The following MYOT variants were observed in gnomAD, a reference collection of about 807,000 sequenced individuals.
MYOT encodes the protein myotilin.
Under a neutral mutation model 58.0 loss-of-function variants are expected in MYOT, and 36 were observed. The observed-to-expected ratio is 0.62, with a 90% CI of 0.48 to 0.82. MYOT has a LOEUF of 0.82. MYOT is among the 40% of genes least tolerant of loss of function. The pLI is 0.00. For missense variants in MYOT, 505 were observed against 592.1 expected (o/e 0.85, Z 1.53); for synonymous variants, 218 against 204.6 (o/e 1.07, Z -0.56).
At chr5:137,880,959 C>T in intron 5 of MYOT, 94 bp downstream of exon 5, 1 of 910,402 alleles carries the variant, frequency 1.1e-6, no homozygotes, top group Middle Eastern at 3.2e-4. Flanking sequence ...CGAGCCTACT[C>T]TATACCTTTT....
chr5:137,874,693 G>T (rs886187587), intron 2 of MYOT, among the ~76,000 whole-genome samples: 20 of 152,120 alleles, frequency 1.3e-4, no homozygotes, highest in African/African-American at 4.8e-4. Flanking sequence ...TTGAAATAAA[G>T]ACTTTATTTG....
intron 2 of MYOT, among the ~76,000 whole-genome samples, chr5:137,875,268 C>T (rs181064330): frequency 1.2e-4 from 18 of 152,226 alleles, no homozygotes; most frequent in Non-Finnish European, 2.1e-4. Context: ...AGCATGTTCT[C>T]ATTTATAAGT....
Position 137,887,306 on chromosome 5 carries a change from TA to T in MYOT, c.1422del (p.Lys474AsnfsTer48). 1 of 1,614,082 alleles carries T rather than the reference TA, an allele frequency of 6.2e-7. No homozygotes were observed. Among genetic ancestry groups the T allele is most frequent in the Non-Finnish European group, 8.5e-7 (1 of 1,179,976 alleles). On this transcript the variant is annotated frameshift_variant, in exon 10 of 10. Coordinates refer to ENST00000239926, the MANE Select transcript of MYOT (RefSeq NM_006790.3). LOFTEE classifies it high-confidence loss of function. ...YLALNGKGLN[V>X]KQAFNPEGEF... ...GCACTTAATGGGAAAGGTTTGAATG[TA>T]AAACAAGCTTTTAACCCAGAAGGAG...
Position 137,870,976 on chromosome 5 carries a change from A to G in MYOT, c.325A>G (p.Ser109Gly). 6.2e-7 allele frequency: 1 copy of G among 1,614,142 alleles called. No individual in the cohort carries two copies. Among genetic ancestry groups the G allele is most frequent in the Non-Finnish European group, 8.5e-7 (1 of 1,179,976 alleles). Residue 109 changes from serine to glycine, a missense_variant, in exon 2 of 10, where the codon AGC (serine) becomes GGC (glycine). Ser to Gly is a moderately conservative substitution (Grantham distance 56). Coordinates refer to ENST00000239926, the MANE Select transcript of MYOT (RefSeq NM_006790.3). ...SILPSQPDYN[S>G]SKIPSAMDSN... ...ATTACCATCACAGCCTGATTACAAT[A>G]GCAGTAAAATCCCTTCCGCTATGGA...
chr5:137,875,711 C>T (rs1755190625), intron 2 of MYOT, 118 bp from the exon 3 acceptor site: 1 of 861,536 alleles, frequency 1.2e-6, no homozygotes, highest in Non-Finnish European at 1.9e-6. Flanking sequence ...GTTATTAGGG[C>T]AATTTGTTTT....
At chr5:137,887,189 C>G in intron 9 of MYOT, 24 bp from the exon 10 acceptor site, 1 of 1,613,780 alleles carries the variant, frequency 6.2e-7, no homozygotes, top group Non-Finnish European at 8.5e-7. Flanking sequence ...TTTTCTGAAT[C>G]AACTTTTATG....
At chr5:137,882,189 C>T in intron 6 of MYOT, 84 bp downstream of exon 6, 1 of 1,469,994 alleles carries the variant, frequency 6.8e-7, no homozygotes, top group Non-Finnish European at 9.5e-7. Context: ...TACTTCATAG[C>T]TTGCAAAGCA....
intron 9 of MYOT, 107 bp downstream of exon 9, chr5:137,887,104 A>T: frequency 6.4e-7 from 1 of 1,552,022 alleles, no homozygotes; most frequent in Non-Finnish European, 8.9e-7. Context: ...TTCCCCATAT[A>T]TAATCAGTTT....
chr5:137,887,222 AC>A lies in MYOT; in HGVS notation c.1336del (p.Gln446LysfsTer19). ...NTRLDVTARP[N>X]QTLPAPKQLR... Reference sequence around the variant, plus strand: ...ATGTGATCTATTTCAGCACGTCCAAACCAAACTCTTCCAGCTCCTAAGCAGT... The same window carrying A: ...ATGTGATCTATTTCAGCACGTCCAAACAAACTCTTCCAGCTCCTAAGCAGT... On this transcript the variant is annotated frameshift_variant, in exon 10 of 10. Coordinates refer to ENST00000239926, the MANE Select transcript of MYOT (RefSeq NM_006790.3). LOFTEE classifies it high-confidence loss of function. The A allele has an allele frequency of 6.2e-7, 1 of 1,614,050 alleles. No individual in the cohort carries two copies. The highest frequency in any genetic ancestry group is 8.5e-7 in the Non-Finnish European group (1 of 1,179,974).
chr5:137,883,274 A>G (rs765188601), intron 6 of MYOT, 110 bp from the exon 7 acceptor site: 2 of 903,272 alleles, frequency 2.2e-6, no homozygotes, highest in African/African-American at 3.4e-5. Flanking sequence ...TTGCATTTCA[A>G]TCGCAAACCC....
At chr5:137,875,408 G>A (rs544986153) in intron 2 of MYOT, among the ~76,000 whole-genome samples, 1 of 152,204 alleles carries the variant, frequency 6.6e-6, no homozygotes, top group East Asian at 1.9e-4. Context: ...CCTCTTGGGT[G>A]ACAGAATCAT....
In MYOT at chr5:137,870,567, G is replaced by T. The variant is rs1418321526; in HGVS notation, c.-85G>T. The T allele has an allele frequency of 6.6e-6, 8 of 1,212,964 alleles. No homozygotes were observed. In the East Asian group the frequency reaches 1.6e-4, roughly 25 times the overall value. 75.1% of individuals were successfully genotyped at this position (1,212,964 alleles called of 1,614,324 possible). On this transcript the variant is annotated 5_prime_UTR_variant, in exon 2 of 10. Coordinates refer to ENST00000239926, the MANE Select transcript of MYOT (RefSeq NM_006790.3). ...TACAACCTTCCGTAATTCCAGGCTT[G>T]TGGCCCCAAATTCAGGGCCCCACCC...
At position 137,887,341 on chromosome 5, in the gene MYOT, C is replaced by A. The variant is rs140755418; in HGVS notation, c.1453C>A (p.Arg485Ser). The change falls in exon 10 of 10, where the codon CGT becomes AGT. Residue 485 changes from arginine (R) to serine (S), a missense_variant. Physicochemically the swap from Arg to Ser is moderately radical, Grantham distance 110 (BLOSUM62 -1). Coordinates refer to ENST00000239926, the MANE Select transcript of MYOT (RefSeq NM_006790.3). Reference sequence around the variant, plus strand: ...TTTTAACCCAGAAGGAGAATTTCAGCGTTTGGCAGCTCAATCTGGACTCTA... The same window carrying A: ...TTTTAACCCAGAAGGAGAATTTCAGAGTTTGGCAGCTCAATCTGGACTCTA... The part of the protein sequence containing the change: ...QAFNPEGEFQ[R>S]LAAQSGLYES... The A allele has an allele frequency of 1.9e-6, 3 of 1,613,832 alleles. No homozygotes were observed. Among genetic ancestry groups the A allele is most frequent in the African/African-American group, 1.3e-5 (1 of 74,914 alleles).
chr5:137,868,652 A>T (rs1192222547), intron 1 of MYOT, among the ~76,000 whole-genome samples: 1 of 152,238 alleles, frequency 6.6e-6, no homozygotes, highest in East Asian at 1.9e-4. Context: ...CTGTTTCTGG[A>T]AAATATCTAC....
intron 2 of MYOT, 140 bp from the exon 3 acceptor site, chr5:137,875,689 T>C: frequency 1.3e-6 from 1 of 742,500 alleles, no homozygotes. Context: ...TCTTATAAAA[T>C]ATTTCTTGAC....
In MYOT at chr5:137,882,115, G is replaced by C. The variant is rs942022501; in HGVS notation, c.816+10G>C. ...CAGAATGGACTTCAAAGTAAGAGAA[G>C]GGTTCAAAAGTACTGGGGGAAAATT... On this transcript the variant is annotated intron_variant, in intron 6 of 9. Transcript: ENST00000239926. 6.2e-7 allele frequency: 1 copy of C among 1,614,004 alleles called. No homozygotes were observed. Among genetic ancestry groups the C allele is most frequent in the Non-Finnish European group, 8.5e-7 (1 of 1,179,898 alleles).
Position 137,868,606 on chromosome 5 carries a change from G to A in MYOT, c.-212+653G>A, listed in dbSNP as rs560119734. Among the ~76,000 whole-genome samples the A allele has an allele frequency of 2.6e-5, 4 of 152,254 alleles. No homozygotes were observed. The East Asian group carries it at 5.8e-4, about 22-fold the overall frequency. On this transcript the variant is annotated intron_variant, in intron 1 of 9. Transcript: ENST00000239926. ...CAATATCAACATGTACAAGACAGTT[G>A]CCATTCTGAAAATATATGTAAAGAA...
rs371052066 is a variant in MYOT at position 137,870,715 on chromosome 5, C to T, written c.64C>T (p.Gln22Ter). 2 of 1,614,116 alleles carry T rather than the reference C, an allele frequency of 1.2e-6. No homozygotes were observed. The highest frequency in any genetic ancestry group is 2.7e-5 in the African/African-American group (2 of 74,940). The change falls in exon 2 of 10, where the codon CAG becomes TAG. Residue 22 changes from glutamine (Q) to a stop codon, truncating the protein, a stop_gained. Coordinates refer to ENST00000239926, the MANE Select transcript of MYOT (RefSeq NM_006790.3). LOFTEE classifies it high-confidence loss of function. The part of the protein sequence containing the change: ...QSQNPCGSRL[Q>*]PPGPETSSFS... ...CCAAAACCCATGTGGCTCCAGATTG[C>T]AGCCTCCTGGACCAGAAACCTCCAG...
At chr5:137,872,631 G>A (rs758433404) in intron 2 of MYOT, among the ~76,000 whole-genome samples, 2 of 152,128 alleles carry the variant, frequency 1.3e-5, no homozygotes, top group Admixed American at 6.5e-5. Context: ...GGAAAGCCCT[G>A]GCCCTTTGAA....
Sources: allele counts gnomAD v4.1 joint callset (sites outside exome capture counted in the v4.1 genomes callset), GRCh38; gene constraint gnomAD v4.1.1; transcripts MANE v1.5; gene names NCBI Gene and HGNC (gene_info 2026-07-23, HGNC 2026-07-21).